The following SASH1 variants were observed in gnomAD, a reference collection of about 807,000 sequenced individuals.
SASH1 encodes SAM and SH3 domain-containing protein 1.
In SASH1, 44 loss-of-function variants were observed where a neutral mutation model predicts 125.2. The ratio of observed to expected loss-of-function variants is 0.35; its 90% CI spans 0.28 to 0.45. SASH1 has a LOEUF of 0.45. Ranked by LOEUF, SASH1 falls within the 20% of genes least tolerant of loss-of-function variation. The pLI is 1.00. For synonymous variants in SASH1, 639 were observed against 649.1 expected (o/e 0.98, Z 0.24); for missense variants, 1,426 against 1,614.5 (o/e 0.88, Z 2.00).
At chr6:148,476,862 C>T (rs1234857166) in intron 7 of SASH1, among the ~76,000 whole-genome samples, 1 of 152,116 alleles carries the variant, frequency 6.6e-6, no homozygotes, top group African/African-American at 2.4e-5. Flanking sequence ...GGCATAAAAA[C>T]AGACATATAG....
At chr6:148,530,433 G>T (rs1781444565) in intron 12 of SASH1, among the ~76,000 whole-genome samples, 1 of 151,876 alleles carries the variant, frequency 6.6e-6, no homozygotes, top group Middle Eastern at 3.2e-3. Context: ...TGGAGCTTCA[G>T]TAACTTCCTA....
intron 2 of SASH1, among the ~76,000 whole-genome samples, chr6:148,423,401 A>C (rs575207774): frequency 2.0e-5 from 3 of 152,388 alleles, no homozygotes; most frequent in African/African-American, 7.2e-5. Flanking sequence ...TGGTTAGAAA[A>C]TATGGTTCAG....
At chr6:148,305,017 C>T (rs1260226206) in intron 1 of SASH1, among the ~76,000 whole-genome samples, 2 of 152,130 alleles carry the variant, frequency 1.3e-5, no homozygotes, top group Non-Finnish European at 2.9e-5. Flanking sequence ...GGCGATAGAG[C>T]GAGACTCAGT....
chr6:148,479,452 C>A, intron 7 of SASH1: 1 of 200,946 alleles, frequency 5.0e-6, no homozygotes, highest in Admixed American at 4.5e-5. Context: ...CATGCCTAAT[C>A]CAGCGTTCTT....
intron 1 of SASH1, among the ~76,000 whole-genome samples, chr6:148,377,193 A>C (rs868668144): frequency 5.0e-5 from 7 of 140,562 alleles, no homozygotes; most frequent in Non-Finnish European, 9.2e-5. Flanking sequence ...ACAAAAAAAA[A>C]ACAAAAAAAA....
the SASH1 span, among the ~76,000 whole-genome samples, chr6:148,213,342 A>G: frequency 6.6e-6 from 1 of 152,212 alleles, no homozygotes; most frequent in African/African-American, 2.4e-5. Context: ...CCCCAGATTA[A>G]GAATCTGTAT....
Position 148,532,874 on chromosome 6 carries a change from G to C in SASH1, c.1642G>C (p.Glu548Gln). 1 of 1,614,216 alleles carries C rather than the reference G, an allele frequency of 6.2e-7. No individual in the cohort carries two copies. Among genetic ancestry groups the C allele is most frequent in the Non-Finnish European group, 8.5e-7 (1 of 1,180,034 alleles). The change falls in exon 14 of 20, where the codon GAG becomes CAG. Residue 548 changes from glutamate to glutamine, a missense_variant. Physicochemically the swap from Glu to Gln is conservative, Grantham distance 29 (BLOSUM62 2). Around this residue, in one of 3 missense-constraint regions of SASH1, gnomAD observed 225 missense variants for 344.5 expected, o/e 0.65. Transcript: ENST00000367467. The surrounding 1 kb of genome is among the most constrained non-coding windows in gnomAD (Gnocchi z 4.7). ...SVKSEDGDDE[E>Q]PPYRGPFCGR... is the part of the protein sequence containing the mutation. ...CAAGTCGGAAGATGGGGATGACGAA[G>C]AGCCGCCTTACCGAGGCCCGTTCTG...
chr6:148,544,754 C>T lies in SASH1; in HGVS notation c.3284C>T (p.Thr1095Met), dbSNP rs547938889. ...VSCARGVDLETLTENKLHAEG... is the reference protein window; with the variant it reads ...VSCARGVDLEMLTENKLHAEG... ...TGTGCCCGGGGAGTGGATCTAGAAA[C>T]GCTCACTGAAAACAAGCTGCACGCT... The change falls in exon 18 of 20, where the codon ACG becomes ATG. Residue 1095 changes from threonine (T) to methionine (M), a missense_variant. Physicochemically the swap from Thr to Met is moderately conservative, Grantham distance 81 (BLOSUM62 -1). Coordinates refer to ENST00000367467, the MANE Select transcript of SASH1 (RefSeq NM_015278.5). This position sits in a 1 kb window ranked among gnomAD's most constrained non-coding sequence, Gnocchi z 6.4. The T allele has an allele frequency of 2.2e-5, 35 of 1,606,044 alleles. No homozygotes were observed. The highest frequency in any genetic ancestry group is 1.8e-4 in the East Asian group (8 of 44,672).
rs143373809 is a variant in SASH1, at chr6:148,298,730, G to A, written n.74+26353G>A. 9.3e-4 allele frequency among the ~76,000 whole-genome samples: 104 copies of A among 111,938 alleles called. 1 individual carries two copies. The highest frequency in any genetic ancestry group is 1.4e-3 in the Non-Finnish European group (76 of 53,898). 73.4% of individuals were successfully genotyped at this position (111,938 alleles called of 152,430 possible). ...GGAAGGAAGAAGGAAGGGAAAGGAG[G>A]GAGGGAGGGAGGGAAAGGAAGGAAG... On this transcript the variant is annotated intron_variant and non_coding_transcript_variant, in intron 1 of 3. Transcript: ENST00000367469.
chr6:148,243,221 C>T, the SASH1 span, among the ~76,000 whole-genome samples: 312 of 152,234 alleles, frequency 2.0e-3, 1 homozygote, highest in African/African-American at 7.0e-3. Context: ...GAGGCCAAGG[C>T]GGACAGATCA....
intron 1 of SASH1, among the ~76,000 whole-genome samples, chr6:148,352,185 C>G (rs2114669368): frequency 1.3e-5 from 2 of 152,200 alleles, no homozygotes; most frequent in South Asian, 4.2e-4. Flanking sequence ...TGGCTTTAAC[C>G]CTTACCGGAC....
intron 8 of SASH1, among the ~76,000 whole-genome samples, chr6:148,498,173 C>T (rs539724395): frequency 6.7e-6 from 1 of 150,154 alleles, no homozygotes; most frequent in South Asian, 2.1e-4. Context: ...TGCCTGAGCT[C>T]AGGAGTTCTA....
At chr6:148,417,094 G>A (rs1417995341) in intron 2 of SASH1, among the ~76,000 whole-genome samples, 1 of 152,168 alleles carries the variant, frequency 6.6e-6, no homozygotes, top group African/African-American at 2.4e-5. Context: ...GGATGGGGTG[G>A]AACCCCTGCC....
chr6:148,223,272 C>T, the SASH1 span, among the ~76,000 whole-genome samples: 2 of 152,280 alleles, frequency 1.3e-5, no homozygotes, highest in South Asian at 4.2e-4. Context: ...ATCTGTGACC[C>T]CCCTCAGAGG....
chr6:148,193,916 AT>A, the SASH1 span, among the ~76,000 whole-genome samples: 1 of 152,192 alleles, frequency 6.6e-6, no homozygotes, highest in Non-Finnish European at 1.5e-5. Flanking sequence ...GTGGAAAGGA[AT>A]TATTCTAAGG....
At chr6:148,294,639 G>A (rs1562310455) in intron 1 of SASH1, among the ~76,000 whole-genome samples, 1 of 152,138 alleles carries the variant, frequency 6.6e-6, no homozygotes, top group Non-Finnish European at 1.5e-5. Context: ...GCCTGGAATT[G>A]CTAATGCCCC....
At chr6:148,274,174 C>T (rs1169826584) in intron 1 of SASH1, among the ~76,000 whole-genome samples, 3 of 152,160 alleles carry the variant, frequency 2.0e-5, no homozygotes, top group Non-Finnish European at 2.9e-5. Context: ...CTAGAGGGTG[C>T]TCAGGAGTCC....
At chr6:148,444,848 G>A (rs1196497076) in intron 4 of SASH1, among the ~76,000 whole-genome samples, 1 of 152,210 alleles carries the variant, frequency 6.6e-6, no homozygotes, top group Non-Finnish European at 1.5e-5. Context: ...TCCATAGGCA[G>A]AGCAGTGGCA....
chr6:148,448,258 T>C (rs1283634038), intron 4 of SASH1, among the ~76,000 whole-genome samples: 1 of 152,162 alleles, frequency 6.6e-6, no homozygotes, highest in Non-Finnish European at 1.5e-5. Context: ...AATAAATCGA[T>C]TGAGTGAGTG....
Sources: allele counts gnomAD v4.1 joint callset (sites outside exome capture counted in the v4.1 genomes callset), GRCh38; gene constraint gnomAD v4.1.1; regional missense constraint gnomAD v4.1.1; non-coding constraint Gnocchi (gnomAD v3.1); transcripts MANE v1.5; gene names NCBI Gene and HGNC (gene_info 2026-07-23, HGNC 2026-07-21).